SLC9D1: variants seen among roughly 807,000 people sequenced by gnomAD.
SLC9D1 encodes the protein solute carrier family 9 member D1, also known as putative LAG1-interacting protein.
the SLC9D1 span, among the ~76,000 whole-genome samples, chr13:113,515,630 G>A: frequency 2.0e-5 from 3 of 152,020 alleles, no homozygotes; most frequent in Admixed American, 6.5e-5. Context: ...GGTGGCTCAC[G>A]CTGGTAATCC....
chr13:113,540,058 T>C, the SLC9D1 span, among the ~76,000 whole-genome samples: 15 of 152,218 alleles, frequency 9.9e-5, 1 homozygote. Flanking sequence ...TTTCATTCTG[T>C]TACGGTTGCG....
the SLC9D1 span, among the ~76,000 whole-genome samples, chr13:113,546,159 G>A: frequency 1.3e-5 from 2 of 152,182 alleles, no homozygotes; most frequent in African/African-American, 4.8e-5. This position sits in a 1 kb window ranked among gnomAD's most constrained non-coding sequence, Gnocchi z 7.1. Flanking sequence ...ACATAGGGCC[G>A]TGACGGTAGT....
At chr13:113,507,982 C>G in the SLC9D1 span, among the ~76,000 whole-genome samples, 2 of 152,258 alleles carry the variant, frequency 1.3e-5, no homozygotes, top group African/African-American at 4.8e-5. Context: ...CCCACAGATT[C>G]TGACCTGGGC....
the SLC9D1 span, among the ~76,000 whole-genome samples, chr13:113,498,172 A>G: frequency 6.6e-6 from 1 of 152,258 alleles, no homozygotes; most frequent in African/African-American, 2.4e-5. Flanking sequence ...ACATTTGGCT[A>G]AGCTCAGTTA....
At chr13:113,491,560 C>T in the SLC9D1 span, among the ~76,000 whole-genome samples, 7 of 152,132 alleles carry the variant, frequency 4.6e-5, no homozygotes, top group Non-Finnish European at 7.4e-5. Flanking sequence ...CTCTCTCTCT[C>T]CTCGGGGCTC....
At chr13:113,515,667 G>A in the SLC9D1 span, among the ~76,000 whole-genome samples, 3 of 151,984 alleles carry the variant, frequency 2.0e-5, no homozygotes, top group Non-Finnish European at 2.9e-5. Flanking sequence ...CGAGGCGGGC[G>A]GATCACGAGG....
At chr13:113,510,334 C>T in the SLC9D1 span, 1 of 1,614,202 alleles carries the variant, frequency 6.2e-7, no homozygotes, top group Non-Finnish European at 8.5e-7. Flanking sequence ...CAAACCCACG[C>T]AGAGCGTCTT....
chr13:113,493,356 CA>C, the SLC9D1 span, among the ~76,000 whole-genome samples: 1 of 152,092 alleles, frequency 6.6e-6, no homozygotes, highest in Non-Finnish European at 1.5e-5. Flanking sequence ...GAAGTGTAAG[CA>C]AAGCATCTCA....
chr13:113,495,865 C>T, the SLC9D1 span: 51 of 1,614,022 alleles, frequency 3.2e-5, no homozygotes, highest in Admixed American at 1.7e-4. Flanking sequence ...CAGGTGCACA[C>T]GTTTGAAATT....
the SLC9D1 span, among the ~76,000 whole-genome samples, chr13:113,509,108 T>A: frequency 8.1e-6 from 1 of 123,714 alleles, no homozygotes; most frequent in Non-Finnish European, 1.6e-5. Flanking sequence ...CTGTGTATGT[T>A]GGGGCTGGTG....
chr13:113,502,990 G>A, the SLC9D1 span, among the ~76,000 whole-genome samples: 14,818 of 152,304 alleles, frequency 0.097, 1,062 homozygotes, highest in Admixed American at 0.23. Flanking sequence ...GACAGGGCTC[G>A]CCTTGGCAGA....
chr13:113,500,766 G>A, the SLC9D1 span, among the ~76,000 whole-genome samples: 1 of 152,186 alleles, frequency 6.6e-6, no homozygotes, highest in Non-Finnish European at 1.5e-5. Flanking sequence ...CTGGAGGTTT[G>A]TACAGGAGCA....
the SLC9D1 span, among the ~76,000 whole-genome samples, chr13:113,523,113 T>C: frequency 1.5e-5 from 2 of 130,180 alleles, no homozygotes; most frequent in South Asian, 4.8e-4. Flanking sequence ...GGTGTGTAGT[T>C]CTCTCTTTTT....
At chr13:113,536,567 G>A in the SLC9D1 span, 1 of 984,950 alleles carries the variant, frequency 1.0e-6, no homozygotes, top group Non-Finnish European at 1.2e-6. Flanking sequence ...TGTCTTATCT[G>A]GACAACTTCC....
the SLC9D1 span, chr13:113,503,345 TTGTGTG>T: frequency 0.046 from 21,513 of 472,232 alleles, 145 homozygotes; most frequent in East Asian, 0.1. Context: ...CACTGTGTGA[TTGTGTG>T]TGTGTGTGTG....
At chr13:113,516,947 T>C in the SLC9D1 span, among the ~76,000 whole-genome samples, 1 of 152,296 alleles carries the variant, frequency 6.6e-6, no homozygotes, top group South Asian at 2.1e-4. Context: ...CAAGACTCAT[T>C]GTCCAGCCAC....
chr13:113,525,967 CG>C, the SLC9D1 span, among the ~76,000 whole-genome samples: 6 of 151,094 alleles, frequency 4.0e-5, no homozygotes, highest in Non-Finnish European at 8.8e-5. Flanking sequence ...CCGTCGTCGT[CG>C]TAGGAGACGA....
the SLC9D1 span, among the ~76,000 whole-genome samples, chr13:113,499,208 C>G: frequency 6.6e-6 from 1 of 152,112 alleles, no homozygotes; most frequent in South Asian, 2.1e-4. Flanking sequence ...ATATAGTGAG[C>G]AGTGAGGACG....
chr13:113,534,897 T>C, the SLC9D1 span: 1 of 151,816 alleles, frequency 6.6e-6, no homozygotes, highest in Admixed American at 6.6e-5. Flanking sequence ...CTGGCTAACA[T>C]GATGAAACCC....
Sources: gnomAD v4.1 joint callset for allele counts (sites outside exome capture counted in the v4.1 genomes callset) on GRCh38, gnomAD v4.1.1 for gene constraint, Gnocchi (gnomAD v3.1) non-coding constraint, MANE v1.5 for transcripts, NCBI Gene and HGNC (gene_info 2026-07-23, HGNC 2026-07-21) for gene names.